WBP1L: variants seen among roughly 807,000 people sequenced by gnomAD.
The protein encoded by WBP1L is WW domain binding protein 1-like.
Under a neutral mutation model 33.7 loss-of-function variants are expected in WBP1L, and 17 were observed. That is an observed-to-expected ratio of 0.50 (90% CI 0.34 to 0.76). WBP1L has a LOEUF of 0.76. Among genes scored for constraint, WBP1L ranks in the 30% least tolerant of loss-of-function variants. WBP1L has a pLI of 0.01. For missense variants in WBP1L, 389 were observed against 469.4 expected (o/e 0.83, Z 1.58); for synonymous variants, 173 against 190.8 (o/e 0.91, Z 0.77).
chr10:102,746,112 A>AG lies in WBP1L; in HGVS notation c.90+1969_90+1970insG, dbSNP rs1842861445. The AG allele has an allele frequency of 4.1e-6, 4 of 984,942 alleles. No individual in the cohort carries two copies. In the Admixed American group the frequency reaches 2.5e-4, roughly 61 times the overall value. The allele number at this position is 984,942 out of a possible 1,614,324, so 61.0% of individuals were successfully genotyped here. ...CTGGTCAAAGATAGGAACTAGATCC[A>AG]CTTTTTCAGCAACGGGGATGATGGA... On this transcript the variant is annotated intron_variant, in intron 1 of 3. Coordinates refer to ENST00000448841, the MANE Select transcript of WBP1L (RefSeq NM_001083913.2).
intron 1 of WBP1L, among the ~76,000 whole-genome samples, chr10:102,788,805 G>A (rs941252318): frequency 6.6e-6 from 1 of 151,982 alleles, no homozygotes; most frequent in Non-Finnish European, 1.5e-5. Flanking sequence ...TGGCTGGGGG[G>A]GATAAATAAA....
intron 1 of WBP1L, among the ~76,000 whole-genome samples, chr10:102,782,393 G>C (rs1373969646): frequency 6.6e-6 from 1 of 151,754 alleles, no homozygotes; most frequent in African/African-American, 2.4e-5. Context: ...TCCAGTGATA[G>C]CCCATGAGTT....
intron 1 of WBP1L, among the ~76,000 whole-genome samples, chr10:102,748,910 A>AGGAAGGGGAAAAATGGATTCCAGTGT (rs1294708835): frequency 6.6e-6 from 1 of 152,264 alleles, no homozygotes; most frequent in East Asian, 1.9e-4. Flanking sequence ...AGTATGGACC[A>AGGAAGGGGAAAAATGGATTCCAGTGT]GGAAGGGGAA....
chr10:102,783,473 A>G (rs917867140), intron 1 of WBP1L, among the ~76,000 whole-genome samples: 4 of 152,162 alleles, frequency 2.6e-5, no homozygotes, highest in African/African-American at 9.7e-5. Context: ...TGCTTGTGAG[A>G]CTGACATCAG....
At chr10:102,808,138 C>T (rs569444970) in intron 2 of WBP1L, among the ~76,000 whole-genome samples, 2 of 152,018 alleles carry the variant, frequency 1.3e-5, no homozygotes, top group African/African-American at 2.4e-5. Flanking sequence ...TGTGATCGCA[C>T]CACTGTACTC....
chr10:102,810,564 C>CTCT (rs1843822049), intron 3 of WBP1L, among the ~76,000 whole-genome samples: 1 of 59,800 alleles, frequency 1.7e-5, no homozygotes, highest in Non-Finnish European at 2.8e-5. Flanking sequence ...CTCTCTATTT[C>CTCT]TTTTTTTTTT....
chr10:102,791,667 T>C (rs1843500364), intron 1 of WBP1L, among the ~76,000 whole-genome samples: 1 of 152,202 alleles, frequency 6.6e-6, no homozygotes, highest in Non-Finnish European at 1.5e-5. Context: ...TAGTTCTTCC[T>C]GCAGGGAAAG....
rs553464807 is a variant in WBP1L at position 102,815,189 on chromosome 10, C to G, written c.*1858C>G. The G allele has an allele frequency of 6.5e-5, 10 of 152,706 alleles. No individual in the cohort carries two copies. In the East Asian group the frequency reaches 1.9e-3, roughly 29 times the overall value. 9.5% of individuals were successfully genotyped at this position (152,706 alleles called of 1,614,324 possible). A position where few individuals can be genotyped will look rare whatever the true frequency, so the allele number is the denominator to read the frequency against. On this transcript the variant is annotated 3_prime_UTR_variant, in exon 4 of 4. Transcript: ENST00000448841. Reference sequence around the variant, plus strand: ...CCGAACAAATGTCTGACTGTGTACTCGGGTGTACTCCGCAGCATTGTCGAC... The same window carrying G: ...CCGAACAAATGTCTGACTGTGTACTGGGGTGTACTCCGCAGCATTGTCGAC...
chr10:102,788,366 T>C (rs1843450499), intron 1 of WBP1L, among the ~76,000 whole-genome samples: 1 of 151,988 alleles, frequency 6.6e-6, no homozygotes, highest in Non-Finnish European at 1.5e-5. Context: ...TGTTTCGGCC[T>C]CCCAAAGTGC....
chr10:102,806,898 G>A (rs1843744866), intron 2 of WBP1L, among the ~76,000 whole-genome samples: 1 of 152,074 alleles, frequency 6.6e-6, no homozygotes, highest in African/African-American at 2.4e-5. Flanking sequence ...TAAATGCCAA[G>A]GGATCTTTTG....
intron 1 of WBP1L, among the ~76,000 whole-genome samples, chr10:102,786,543 A>G: frequency 6.6e-6 from 1 of 152,208 alleles, no homozygotes; most frequent in East Asian, 1.9e-4. Context: ...CCCATGGACC[A>G]CACTTTTGGG....
intron 1 of WBP1L, among the ~76,000 whole-genome samples, chr10:102,782,253 G>A (rs149816109): frequency 0.02 from 1,624 of 81,586 alleles, 13 homozygotes; most frequent in Middle Eastern, 0.11. Flanking sequence ...AACGTGGCTT[G>A]TTTTTCATTG....
intron 1 of WBP1L, among the ~76,000 whole-genome samples, chr10:102,777,293 T>G (rs1448953838): frequency 4.6e-5 from 7 of 152,244 alleles, no homozygotes; most frequent in African/African-American, 7.2e-5. Flanking sequence ...TGCCTGTTCC[T>G]GGGTGAGGAA....
intron 1 of WBP1L, among the ~76,000 whole-genome samples, chr10:102,751,175 A>G (rs578000893): frequency 3.3e-5 from 5 of 151,698 alleles, no homozygotes; most frequent in Admixed American, 1.3e-4. Context: ...TAACTTTTGT[A>G]TTTTTTAGTA....
intron 2 of WBP1L, among the ~76,000 whole-genome samples, chr10:102,808,371 A>G (rs1309659979): frequency 2.0e-5 from 3 of 152,222 alleles, no homozygotes; most frequent in Non-Finnish European, 4.4e-5. Flanking sequence ...AATTAAAAAA[A>G]AAATTTAAAA....
chr10:102,752,326 A>G (rs763219231), intron 1 of WBP1L, among the ~76,000 whole-genome samples: 26 of 152,114 alleles, frequency 1.7e-4, no homozygotes, highest in Admixed American at 5.9e-4. Context: ...GCTTTCTTGC[A>G]AGAACAACAT....
intron 1 of WBP1L, among the ~76,000 whole-genome samples, chr10:102,775,650 G>C (rs1372630630): frequency 3.9e-5 from 6 of 152,138 alleles, no homozygotes; most frequent in Non-Finnish European, 5.9e-5. Context: ...CCAAGGTAGC[G>C]TGTCGTACCT....
rs555182878 is a variant in WBP1L, at chr10:102,799,964, C to G, written c.193+1869C>G. ...GAGGACTGAGGACGGGCTCATCTGC[C>G]TTTCTGAGGAATTCCAGGAGCAGTC... is the stretch of plus-strand genomic sequence containing the variant. On this transcript the variant is annotated intron_variant, in intron 2 of 3. Coordinates refer to ENST00000448841, the MANE Select transcript of WBP1L (RefSeq NM_001083913.2). Among the ~76,000 whole-genome samples the G allele has an allele frequency of 3.3e-5, 5 of 152,288 alleles. No homozygotes were observed. In the South Asian group the frequency reaches 1.0e-3, roughly 32 times the overall value.
intron 1 of WBP1L, among the ~76,000 whole-genome samples, chr10:102,793,193 C>T (rs1373099212): frequency 6.6e-6 from 1 of 152,176 alleles, no homozygotes; most frequent in Non-Finnish European, 1.5e-5. Flanking sequence ...GTAACCCCAG[C>T]ACTTTGGGAG....
Sources: gnomAD v4.1 joint callset for allele counts (sites outside exome capture counted in the v4.1 genomes callset) on GRCh38, gnomAD v4.1.1 for gene constraint, MANE v1.5 for transcripts, NCBI Gene and HGNC (gene_info 2026-07-23, HGNC 2026-07-21) for gene names.